Variants in WASHC2C observed in about 807,000 individuals in gnomAD.
The protein encoded by WASHC2C is WASH complex subunit 2C, also known as Vaccinia Penetration Factor.
WASHC2C carries 73 observed loss-of-function variants against 142.2 expected under a neutral mutation model. The ratio of observed to expected loss-of-function variants is 0.51; its 90% CI spans 0.43 to 0.62. WASHC2C has a LOEUF of 0.62. Ranked by LOEUF, WASHC2C falls within the 20% of genes least tolerant of loss-of-function variation. The probability of loss-of-function intolerance (pLI) is 0.00; values close to 1 mark genes in which losing one functional copy is unlikely to be tolerated. For missense variants in WASHC2C, 969 were observed against 1,531.7 expected (o/e 0.63, Z 6.13); for synonymous variants, 337 against 565.5 (o/e 0.60, Z 5.73).
At chr10:45,758,027 C>G (rs2054542537) in intron 16 of WASHC2C, among the ~76,000 whole-genome samples, 1 of 152,110 alleles carries the variant, frequency 6.6e-6, no homozygotes, top group Non-Finnish European at 1.5e-5. Context: ...GTTGTCATGT[C>G]TCTTTGGTCT....
At position 45,770,314 on chromosome 10, in the gene WASHC2C, C is replaced by T. The variant is rs2056451525; in HGVS notation, c.2039+696C>T. On this transcript the variant is annotated intron_variant, in intron 20 of 30. Transcript: ENST00000623400. ...AACACATCCTGTTAGGAGGAAGTTCCCTGTAGAGCTGTGCAGTATCACTCC... is the reference window on the plus strand; with the variant it reads ...AACACATCCTGTTAGGAGGAAGTTCTCTGTAGAGCTGTGCAGTATCACTCC... Among the ~76,000 whole-genome samples, 5 of 145,648 alleles carry T rather than the reference C, an allele frequency of 3.4e-5. No individual in the cohort carries two copies. The South Asian group carries it at 9.2e-4, about 27-fold the overall frequency.
chr10:45,755,354 T>G (rs1207987043), intron 15 of WASHC2C, among the ~76,000 whole-genome samples: 1 of 152,382 alleles, frequency 6.6e-6, no homozygotes, highest in East Asian at 1.9e-4. Context: ...TATAGAGAGC[T>G]GAAATCCTTT....
intron 3 of WASHC2C, among the ~76,000 whole-genome samples, chr10:45,734,142 A>G (rs2597026): frequency 1.1e-3 from 164 of 152,204 alleles, no homozygotes; most frequent in African/African-American, 3.6e-3. Context: ...GGAGAAGGGC[A>G]TGAACCCGGG....
intron 28 of WASHC2C, 62 bp from the exon 29 acceptor site, chr10:45,788,809 C>T: frequency 1.2e-6 from 2 of 1,611,880 alleles, no homozygotes; most frequent in Middle Eastern, 2.3e-4. Context: ...GATTCTTTGC[C>T]ATGGTAGCTT....
At chr10:45,773,891 C>G (rs868968144) in intron 21 of WASHC2C, among the ~76,000 whole-genome samples, 479 of 50,046 alleles carry the variant, frequency 9.6e-3, no homozygotes, top group African/African-American at 0.034. Context: ...ATACTGCAGG[C>G]CAAAAAAAAA....
chr10:45,765,254 T>C (rs1221963840), intron 18 of WASHC2C, among the ~76,000 whole-genome samples: 4 of 149,680 alleles, frequency 2.7e-5, no homozygotes, highest in Non-Finnish European at 5.9e-5. Flanking sequence ...CCCAGTTCTC[T>C]CCTTTCAGCC....
chr10:45,755,091 C>T lies in WASHC2C; in HGVS notation c.1396C>T (p.Pro466Ser). The change falls in exon 15 of 31, where the codon CCC (proline) becomes TCC (serine). Residue 466 changes from proline (P) to serine (S), a missense_variant. Transcript: ENST00000623400. ...GDDDDDFFSA[P>S]HSKPSKTRKV... is the part of the protein sequence containing the mutation. Reference sequence around the variant, plus strand: ...TGATGATGACGACTTTTTCTCGGCACCCCACAGCAAACCTTCTAAAACACG... The same window carrying T: ...TGATGATGACGACTTTTTCTCGGCATCCCACAGCAAACCTTCTAAAACACG... 2.5e-6 allele frequency: 4 copies of T among 1,610,422 alleles called. No homozygotes were observed. The South Asian group carries it at 4.4e-5, about 18-fold the overall frequency.
chr10:45,757,929 C>T (rs1241962716), intron 16 of WASHC2C, among the ~76,000 whole-genome samples: 1 of 152,238 alleles, frequency 6.6e-6, no homozygotes, highest in Non-Finnish European at 1.5e-5. Context: ...GGGTTGGGGA[C>T]CCCTGCTTTA....
chr10:45,729,144 G>A, intron 3 of WASHC2C, 118 bp downstream of exon 3: 1 of 1,143,428 alleles, frequency 8.7e-7, no homozygotes, highest in Admixed American at 2.8e-5. Context: ...CTTGGTAATT[G>A]TAGCTTTTTT....
chr10:45,786,701 G>C, intron 27 of WASHC2C, 27 bp downstream of exon 27: 1 of 1,611,778 alleles, frequency 6.2e-7, no homozygotes, highest in Admixed American at 1.7e-5. Context: ...AATCTTCATT[G>C]CCTGCCCTGT....
Position 45,790,519 on chromosome 10 carries a change from TTGA to T in WASHC2C, c.3880_3882del (p.Asp1294del). 1 of 1,611,744 alleles carries T rather than the reference TTGA, an allele frequency of 6.2e-7. No individual in the cohort carries two copies. ...AAGAAAGTGGAAGCCAAGTCTATAT[TTGA>T]TGATGATATGGGTAAGTTTGGTTTT... On this transcript the variant is annotated inframe_deletion, in exon 30 of 31. Coordinates refer to ENST00000623400, the MANE Select transcript of WASHC2C (RefSeq NM_001330074.2).
chr10:45,727,804 G>A (rs532752711), intron 2 of WASHC2C, among the ~76,000 whole-genome samples: 4 of 152,114 alleles, frequency 2.6e-5, no homozygotes, highest in East Asian at 1.9e-4. Context: ...ATCCGTTTCC[G>A]CCACACTGAG....
Position 45,792,959 on chromosome 10 carries a change from A to G in WASHC2C, c.*559A>G, listed in dbSNP as rs1261985628. On this transcript the variant is annotated 3_prime_UTR_variant, in exon 31 of 31. Coordinates refer to ENST00000623400, the MANE Select transcript of WASHC2C (RefSeq NM_001330074.2). The stretch of plus-strand genomic sequence containing the variant: ...GTTAATAAAATTTTATTGGAACACA[A>G]TCACATTCATTTGTTTACTTACTGT... The G allele has an allele frequency of 9.7e-4, 453 of 468,984 alleles. 2 individuals carry two copies. Among genetic ancestry groups the G allele is most frequent in the African/African-American group, 7.7e-3 (388 of 50,108 alleles). 29.1% of individuals were successfully genotyped at this position (468,984 alleles called of 1,614,324 possible).
intron 8 of WASHC2C, among the ~76,000 whole-genome samples, chr10:45,747,763 T>G (rs1374806803): frequency 3.3e-5 from 5 of 150,686 alleles, no homozygotes; most frequent in Non-Finnish European, 7.4e-5. Context: ...GGCTAATTTT[T>G]TGTATTTTTA....
Position 45,738,044 on chromosome 10 carries a change from A to G in WASHC2C, c.353A>G (p.Gln118Arg), listed in dbSNP as rs1449984177. The G allele has an allele frequency of 1.2e-6, 2 of 1,611,662 alleles. No individual in the cohort carries two copies. Among genetic ancestry groups the G allele is most frequent in the African/African-American group, 2.7e-5 (2 of 74,794 alleles). Residue 118 changes from glutamine to arginine, a missense_variant and splice_region_variant, in exon 4 of 31, where the codon CAG (glutamine) becomes CGG (arginine). Gln to Arg is a conservative substitution (Grantham distance 43, BLOSUM62 1). Transcript: ENST00000623400. ...AAGGCTGAGGCAGAAAAAACAGAGC[A>G]GGTACTTGTATAAAATCACTCTTAG... ...VLKAEAEKTEQEKTREQKEVD... is the reference protein window; with the variant it reads ...VLKAEAEKTEREKTREQKEVD...
At chr10:45,759,188 A>G (rs2134987074) in intron 16 of WASHC2C, 127 bp from the exon 17 acceptor site, 1 of 588,838 alleles carries the variant, frequency 1.7e-6, no homozygotes, top group South Asian at 2.0e-5. Context: ...GCTGCCTATC[A>G]CAGCAGAGAC....
In WASHC2C at chr10:45,786,665, G is replaced by GA; in HGVS notation, c.2867dup (p.Ile957AspfsTer22). ...CCAAAGAACCATCCACTCGGATCGG[G>GA]AAGATACAAGTAATTAAAACACTGG... On this transcript the variant is annotated frameshift_variant, in exon 27 of 31. Coordinates refer to ENST00000623400, the MANE Select transcript of WASHC2C (RefSeq NM_001330074.2). LOFTEE classifies it high-confidence loss of function. The GA allele has an allele frequency of 6.2e-7, 1 of 1,611,828 alleles. No homozygotes were observed. The highest frequency in any genetic ancestry group is 8.5e-7 in the Non-Finnish European group (1 of 1,179,718).
At chr10:45,732,832 G>A (rs1295157962) in intron 3 of WASHC2C, among the ~76,000 whole-genome samples, 1 of 152,234 alleles carries the variant, frequency 6.6e-6, no homozygotes, top group Non-Finnish European at 1.5e-5. Context: ...CTTTTCTATT[G>A]AAGAAACAGA....
chr10:45,751,730 C>T (rs1361479697), intron 11 of WASHC2C, among the ~76,000 whole-genome samples, 177 bp downstream of exon 11: 22 of 152,320 alleles, frequency 1.4e-4, no homozygotes, highest in African/African-American at 4.6e-4. Context: ...GTAATCCCAG[C>T]GCTTTGGGAG....
Sources: gnomAD v4.1 joint callset for allele counts (sites outside exome capture counted in the v4.1 genomes callset) on GRCh38, gnomAD v4.1.1 for gene constraint, MANE v1.5 for transcripts, NCBI Gene and HGNC (gene_info 2026-07-23, HGNC 2026-07-21) for gene names.